Variants in DSC1 observed in about 807,000 individuals in gnomAD.
The protein encoded by DSC1 is desmocollin 1.
Under a neutral mutation model 98.8 loss-of-function variants are expected in DSC1, and 79 were observed. The observed-to-expected ratio is 0.80, with a 90% CI of 0.67 to 0.96. DSC1 has a LOEUF of 0.96. Among genes scored for constraint, DSC1 ranks in the 50% least tolerant of loss-of-function variants. The pLI is 0.00. For missense variants in DSC1, 1,115 were observed against 1,075.9 expected (o/e 1.04, Z -0.51); for synonymous variants, 405 against 372.1 (o/e 1.09, Z -1.02).
chr18:31,133,440 A>G (rs1988538910), intron 13 of DSC1, among the ~76,000 whole-genome samples: 1 of 152,192 alleles, frequency 6.6e-6, no homozygotes, highest in Non-Finnish European at 1.5e-5. Context: ...ATGATGCTAA[A>G]TCACTTCATT....
intron 5 of DSC1, among the ~76,000 whole-genome samples, chr18:31,152,248 T>C (rs1470593407): frequency 2.0e-5 from 3 of 152,080 alleles, no homozygotes; most frequent in Non-Finnish European, 4.4e-5. Flanking sequence ...AGATTGAAGC[T>C]AACTTTTCCA....
At chr18:31,160,244 A>G (rs1193688178) in intron 1 of DSC1, among the ~76,000 whole-genome samples, 3 of 152,190 alleles carry the variant, frequency 2.0e-5, no homozygotes, top group Non-Finnish European at 4.4e-5. Context: ...AAAAGCTATC[A>G]TTTCAAAAAT....
chr18:31,135,093 G>A (rs919350515), intron 11 of DSC1, among the ~76,000 whole-genome samples: 3 of 152,068 alleles, frequency 2.0e-5, no homozygotes, highest in African/African-American at 4.8e-5. Context: ...TTTATGAAGC[G>A]CATATATTCA....
intron 11 of DSC1, among the ~76,000 whole-genome samples, chr18:31,138,781 G>A (rs1028420460): frequency 6.6e-6 from 1 of 151,428 alleles, no homozygotes; most frequent in African/African-American, 2.4e-5. Context: ...CATTGTATCA[G>A]CTAGTTTGTT....
intron 8 of DSC1, 151 bp downstream of exon 8, chr18:31,143,506 G>A (rs12454687): frequency 0.24 from 130,959 of 541,886 alleles, 19,360 homozygotes; most frequent in East Asian, 0.59. Context: ...TATTTGTACA[G>A]AAATCATATT....
intron 1 of DSC1, among the ~76,000 whole-genome samples, chr18:31,161,855 C>A (rs1298653437): frequency 6.6e-6 from 1 of 152,024 alleles, no homozygotes; most frequent in African/African-American, 2.4e-5. Context: ...TTTTGAAACT[C>A]AAGTATTTTG....
At position 31,156,132 on chromosome 18, in the gene DSC1, C is replaced by CT. The variant is rs1568005057; in HGVS notation, c.381dup (p.Ala128SerfsTer34). On this transcript the variant is annotated frameshift_variant, in exon 4 of 16. Transcript: ENST00000257198. LOFTEE classifies it high-confidence loss of function. ...CATCGTCTCTTGCTGCGCTTGAGGGCTGTGTCTTTGGTATGTCTCTTCTTA... is the reference window on the plus strand; with the variant it reads ...CATCGTCTCTTGCTGCGCTTGAGGGCTTGTGTCTTTGGTATGTCTCTTCTTA... 1 of 1,613,976 alleles carries CT rather than the reference C, an allele frequency of 6.2e-7. No homozygotes were observed. The highest frequency in any genetic ancestry group is 1.1e-5 in the South Asian group (1 of 91,072).
At chr18:31,153,610 T>G (rs952604777) in intron 5 of DSC1, among the ~76,000 whole-genome samples, 1 of 152,170 alleles carries the variant, frequency 6.6e-6, no homozygotes. Flanking sequence ...TTTCACTACC[T>G]TATAGACTGC....
chr18:31,162,785 C>T lies in DSC1; in HGVS notation c.-191G>A. ...GAGGAGCAACGGGAGAATTTCTTTC[C>T]CCCTATTCCCTGGCCAGTCTCCTTC... is the stretch of plus-strand genomic sequence containing the variant. On this transcript the variant is annotated 5_prime_UTR_variant, in exon 1 of 16. Coordinates refer to ENST00000257198, the MANE Select transcript of DSC1 (RefSeq NM_024421.2). The T allele has an allele frequency of 1.7e-6, 1 of 576,642 alleles. No individual in the cohort carries two copies. Among genetic ancestry groups the T allele is most frequent in the Non-Finnish European group, 3.1e-6 (1 of 321,592 alleles). The allele number at this position is 576,642 out of a possible 1,614,324, so 35.7% of individuals were successfully genotyped here.
chr18:31,159,532 C>CAAAAAAAAAAAAAAAAAAAAAAAAAAAA lies in DSC1; in HGVS notation c.64-4_64-3insTTTTTTTTTTTTTTTTTTTTTTTTTTTT. The CAAAAAAAAAAAAAAAAAAAAAAAAAAAA allele has an allele frequency of 7.1e-7, 1 of 1,408,470 alleles. No homozygotes were observed. Among genetic ancestry groups the CAAAAAAAAAAAAAAAAAAAAAAAAAAAA allele is most frequent in the Non-Finnish European group, 9.5e-7 (1 of 1,052,072 alleles). 87.2% of individuals were successfully genotyped at this position (1,408,470 alleles called of 1,614,324 possible). Reference sequence around the variant, plus strand: ...GCATCGCAAAGTAATGTTAAAACCTCAAAAAAAAAAAAAGAAAAAATATCA... The same window carrying CAAAAAAAAAAAAAAAAAAAAAAAAAAAA: ...GCATCGCAAAGTAATGTTAAAACCTCAAAAAAAAAAAAAAAAAAAAAAAAAAAAAAAAAAAAAAAAAGAAAAAATATCA... On this transcript the variant is annotated splice_region_variant and splice_polypyrimidine_tract_variant and intron_variant, in intron 1 of 15. Coordinates refer to ENST00000257198, the MANE Select transcript of DSC1 (RefSeq NM_024421.2).
chr18:31,158,898 T>A (rs1414069935), intron 2 of DSC1, among the ~76,000 whole-genome samples: 1 of 152,230 alleles, frequency 6.6e-6, no homozygotes. Context: ...TAATCCAAGA[T>A]AATTGAGCCT....
Position 31,157,569 on chromosome 18 carries a change from A to G in DSC1, c.153T>C (p.Asn51=), listed in dbSNP as rs1347534689. The stretch of plus-strand genomic sequence containing the variant: ...TGGCCGACTTGAGACACTCCTCCAG[A>G]TTCACTGCAGGGAAGAAATATCACA... The part of the protein sequence containing the change: ...LQAETLVGKV[N]LEECLKSASL... Residue 51 remains asparagine (N), a synonymous_variant, in exon 3 of 16, where the codon AAT becomes AAC. Transcript: ENST00000257198. The G allele has an allele frequency of 1.2e-6, 2 of 1,614,160 alleles. No homozygotes were observed. The highest frequency in any genetic ancestry group is 3.3e-5 in the Admixed American group (2 of 60,020).
chr18:31,135,127 A>G (rs190854716), intron 11 of DSC1, among the ~76,000 whole-genome samples: 3 of 152,250 alleles, frequency 2.0e-5, no homozygotes, highest in South Asian at 4.1e-4. Context: ...AACACTTTAC[A>G]TTTGGTTGTC....
chr18:31,145,276 C>T (rs1291116009), intron 7 of DSC1, among the ~76,000 whole-genome samples: 1 of 152,078 alleles, frequency 6.6e-6, no homozygotes, highest in Non-Finnish European at 1.5e-5. Context: ...GTGCTGTGAA[C>T]CCAAAGTTGC....
chr18:31,162,732 C>A lies in DSC1; in HGVS notation c.-138G>T. ...ATGCAGCTGAGCTTGGTTTGGAAGA[C>A]AGTCCGGAGGCAAGTGATAAACAGT... On this transcript the variant is annotated 5_prime_UTR_variant, in exon 1 of 16. Coordinates refer to ENST00000257198, the MANE Select transcript of DSC1 (RefSeq NM_024421.2). The A allele has an allele frequency of 1.4e-6, 1 of 704,814 alleles. No homozygotes were observed. Among genetic ancestry groups the A allele is most frequent in the Non-Finnish European group, 2.5e-6 (1 of 401,624 alleles). 43.7% of individuals were successfully genotyped at this position (704,814 alleles called of 1,614,324 possible).
rs773569598 is a variant in DSC1, at chr18:31,140,133, C to G, written c.1429G>C (p.Val477Leu). 8 of 1,613,884 alleles carry G rather than the reference C, an allele frequency of 5.0e-6. No homozygotes were observed. In the East Asian group the frequency reaches 1.8e-4, roughly 36 times the overall value. ...EGPECHPPVKVIQSQDGFPAG... is the reference protein window; with the variant it reads ...EGPECHPPVKLIQSQDGFPAG... ...GGGAAGCCATCTTGACTCTGAATAA[C>G]TTTCACTGGAGGGTGGCATTCAGGG... Residue 477 changes from valine (V) to leucine (L), a missense_variant, in exon 10 of 16, where the codon GTT becomes CTT. Physicochemically the swap from Val to Leu is conservative, Grantham distance 32 (BLOSUM62 1). Coordinates refer to ENST00000257198, the MANE Select transcript of DSC1 (RefSeq NM_024421.2).
intron 5 of DSC1, among the ~76,000 whole-genome samples, chr18:31,149,867 C>T (rs1485414753): frequency 6.6e-6 from 1 of 152,180 alleles, no homozygotes; most frequent in Non-Finnish European, 1.5e-5. Context: ...CATTTTTCTC[C>T]AAGTAACTTC....
chr18:31,134,870 T>C lies in DSC1; in HGVS notation c.1664-86A>G, dbSNP rs1988577425. On this transcript the variant is annotated intron_variant, in intron 11 of 15. Coordinates refer to ENST00000257198, the MANE Select transcript of DSC1 (RefSeq NM_024421.2). Reference sequence around the variant, plus strand: ...TATAAAATACACAGTTGACATCTGCTTTCTACTAGCTGTCTGAGCTTGAGT... The same window carrying C: ...TATAAAATACACAGTTGACATCTGCCTTCTACTAGCTGTCTGAGCTTGAGT... 3 of 1,275,546 alleles carry C rather than the reference T, an allele frequency of 2.4e-6. No homozygotes were observed. In the East Asian group the frequency reaches 7.6e-5, roughly 32 times the overall value. The allele number at this position is 1,275,546 out of a possible 1,614,324, so 79.0% of individuals were successfully genotyped here.
chr18:31,161,685 T>C (rs1197228012), intron 1 of DSC1, among the ~76,000 whole-genome samples: 4 of 152,032 alleles, frequency 2.6e-5, no homozygotes, highest in African/African-American at 9.7e-5. Context: ...TTTGAAACAT[T>C]TTTACCACAT....
Sources: gnomAD v4.1 joint callset for allele counts (sites outside exome capture counted in the v4.1 genomes callset) on GRCh38, gnomAD v4.1.1 for gene constraint, MANE v1.5 for transcripts, NCBI Gene and HGNC (gene_info 2026-07-23, HGNC 2026-07-21) for gene names.